MAST4: variants seen among roughly 807,000 people sequenced by gnomAD.
MAST4 encodes microtubule associated serine/threonine kinase family member 4.
MAST4 carries 89 observed loss-of-function variants against 162.7 expected under a neutral mutation model. The ratio of observed to expected loss-of-function variants is 0.55; its 90% confidence interval spans 0.46 to 0.65. The LOEUF is 0.65. Ranked by LOEUF, MAST4 falls within the 30% of genes least tolerant of loss-of-function variation. The pLI is 0.00. For missense variants in MAST4, 3,153 were observed against 3,374.0 expected (o/e 0.93, Z 1.62); for synonymous variants, 1,479 against 1,361.1 (o/e 1.09, Z -1.91).
rs570864261 is a variant in MAST4 at position 66,780,774 on chromosome 5, G to A, written c.518-7896G>A. 3.9e-5 allele frequency among the ~76,000 whole-genome samples: 6 copies of A among 152,232 alleles called. No individual in the cohort carries two copies. In the South Asian group the frequency reaches 8.3e-4, roughly 21 times the overall value. On this transcript the variant is annotated intron_variant, in intron 2 of 28. Transcript: ENST00000403625. Reference sequence around the variant, plus strand: ...ATTTTTACAGAGTGCTGATTGGTGCGTTTACAGTCCTTTAGCTAGACCCAG... The same window carrying A: ...ATTTTTACAGAGTGCTGATTGGTGCATTTACAGTCCTTTAGCTAGACCCAG...
At position 67,165,773 on chromosome 5, in the gene MAST4, T is replaced by C; in HGVS notation, c.6594T>C (p.Pro2198=). 1 of 1,602,650 alleles carries C rather than the reference T, an allele frequency of 6.2e-7. No individual in the cohort carries two copies. Among genetic ancestry groups the C allele is most frequent in the South Asian group, 1.1e-5 (1 of 89,768 alleles). ...GCAGCCACAAGCCCCGGCCTGGCCC[T>C]GACCCGGGCCCTCCAAAGACTAAGC... ...ESSSHKPRPG[P]DPGPPKTKHP... Residue 2198 remains proline (P), a synonymous_variant, in exon 29 of 29, where the codon CCT becomes CCC. Transcript: ENST00000403625.
intron 5 of MAST4, among the ~76,000 whole-genome samples, chr5:67,080,938 T>C (rs1261914712): frequency 7.1e-6 from 1 of 140,012 alleles, no homozygotes; most frequent in African/African-American, 2.6e-5. Flanking sequence ...TTTAATTATA[T>C]ATATTATATA....
chr5:66,830,099 G>A (rs910284518), intron 3 of MAST4, among the ~76,000 whole-genome samples: 1 of 152,110 alleles, frequency 6.6e-6, no homozygotes, highest in Non-Finnish European at 1.5e-5. Context: ...CCTCTTTGGG[G>A]TCAGTTGTTA....
At chr5:66,812,948 G>A (rs1580514222) in intron 3 of MAST4, among the ~76,000 whole-genome samples, 2 of 152,158 alleles carry the variant, frequency 1.3e-5, no homozygotes, top group Admixed American at 1.3e-4. Context: ...GCATCACTGG[G>A]GCTCAGTTTG....
chr5:66,632,950 ATGAGTT>A (rs1328770392), intron 1 of MAST4, among the ~76,000 whole-genome samples: 1 of 152,196 alleles, frequency 6.6e-6, no homozygotes, highest in Non-Finnish European at 1.5e-5. Context: ...TTTAGTGCAA[ATGAGTT>A]TGAATTTTTT....
At chr5:66,876,526 C>G (rs1324102854) in intron 3 of MAST4, among the ~76,000 whole-genome samples, 2 of 152,062 alleles carry the variant, frequency 1.3e-5, no homozygotes, top group African/African-American at 4.8e-5. Context: ...ATTGTGTGTA[C>G]CAGCTATGAA....
chr5:67,049,459 C>T (rs1757898689), intron 4 of MAST4, among the ~76,000 whole-genome samples: 2 of 152,166 alleles, frequency 1.3e-5, no homozygotes, highest in South Asian at 4.1e-4. Context: ...TGCCCTATTT[C>T]TTCCACTTCA....
At chr5:66,901,313 T>C (rs1263124471) in intron 4 of MAST4, among the ~76,000 whole-genome samples, 2 of 152,120 alleles carry the variant, frequency 1.3e-5, no homozygotes, top group Non-Finnish European at 2.9e-5. Flanking sequence ...TTGTTTTTTG[T>C]TTCTTGTTTT....
chr5:66,924,675 G>T (rs916534641), intron 4 of MAST4, among the ~76,000 whole-genome samples: 2 of 152,148 alleles, frequency 1.3e-5, no homozygotes, highest in Non-Finnish European at 2.9e-5. Context: ...TTACAGGTGT[G>T]AGCCACCGCA....
At chr5:66,804,781 T>C (rs2149703450) in intron 3 of MAST4, among the ~76,000 whole-genome samples, 1 of 152,362 alleles carries the variant, frequency 6.6e-6, no homozygotes, top group South Asian at 2.1e-4. Flanking sequence ...GGGGGACTTT[T>C]AATTGATCCA....
intron 3 of MAST4, among the ~76,000 whole-genome samples, chr5:66,881,095 C>G (rs1289235028): frequency 6.6e-6 from 1 of 152,208 alleles, no homozygotes; most frequent in African/African-American, 2.4e-5. Context: ...GCATCACCAG[C>G]ACCCAGAAGA....
At chr5:66,626,234 A>T (rs561636884) in intron 1 of MAST4, among the ~76,000 whole-genome samples, 1 of 152,304 alleles carries the variant, frequency 6.6e-6, no homozygotes, top group South Asian at 2.1e-4. Context: ...GAATTTGCTA[A>T]AAGGGTAGAT....
At chr5:67,159,280 G>GA (rs11387605) in intron 26 of MAST4, among the ~76,000 whole-genome samples, 7,552 of 152,212 alleles carry the variant, frequency 0.05, 432 homozygotes, top group East Asian at 0.21. Flanking sequence ...ACATGCGTGA[G>GA]AAAAAACCAG....
intron 3 of MAST4, among the ~76,000 whole-genome samples, chr5:66,808,602 T>A (rs557957894): frequency 6.6e-6 from 1 of 152,330 alleles, no homozygotes; most frequent in South Asian, 2.1e-4. Flanking sequence ...GCCCAGCCAG[T>A]GTCGTGTCTC....
chr5:66,716,784 T>A (rs1750868062), intron 1 of MAST4, among the ~76,000 whole-genome samples: 1 of 152,180 alleles, frequency 6.6e-6, no homozygotes, highest in Admixed American at 6.5e-5. Flanking sequence ...CCCTTGTTTG[T>A]TGTGTTTTTT....
intron 1 of MAST4, among the ~76,000 whole-genome samples, chr5:66,635,891 ATGTATGACCAC>A (rs1357636642): frequency 2.9e-5 from 4 of 136,642 alleles, no homozygotes; most frequent in Non-Finnish European, 6.2e-5. Context: ...TCTCAGGGTT[ATGTATGACCAC>A]ACTTCCTATC....
intron 1 of MAST4, among the ~76,000 whole-genome samples, chr5:66,712,804 A>G (rs905322365): frequency 2.6e-5 from 4 of 152,228 alleles, no homozygotes; most frequent in African/African-American, 9.6e-5. Flanking sequence ...ACAAAGACCT[A>G]TCTATAGAGA....
At chr5:67,128,966 C>T (rs1456809124) in intron 14 of MAST4, among the ~76,000 whole-genome samples, 1 of 152,194 alleles carries the variant, frequency 6.6e-6, no homozygotes, top group African/African-American at 2.4e-5. Context: ...TTCCTTGTTG[C>T]TCATCATTTC....
At position 67,054,440 on chromosome 5, in the gene MAST4, T is replaced by C. The variant is rs1363588166; in HGVS notation, c.711T>C (p.Asn237=). 8 of 1,611,446 alleles carry C rather than the reference T, an allele frequency of 5.0e-6. No homozygotes were observed. Among genetic ancestry groups the C allele is most frequent in the Non-Finnish European group, 6.8e-6 (8 of 1,178,832 alleles). The change falls in exon 5 of 29, where the codon AAT becomes AAC. Residue 237 remains asparagine (N), a synonymous_variant. Transcript: ENST00000403625. ...GCAACCGGAAAAGCTTAATAGGCAATGGGCAGTCACCAGCATTGCCTCGAC... is the reference window on the plus strand; with the variant it reads ...GCAACCGGAAAAGCTTAATAGGCAACGGGCAGTCACCAGCATTGCCTCGAC... ...RTSNRKSLIG[N]GQSPALPRPH...
Sources: gnomAD v4.1 joint callset for allele counts (sites outside exome capture counted in the v4.1 genomes callset) on GRCh38, gnomAD v4.1.1 for gene constraint, MANE v1.5 for transcripts, NCBI Gene and HGNC (gene_info 2026-07-23, HGNC 2026-07-21) for gene names.